Variants in DNAJC27 observed in about 807,000 individuals in gnomAD.
The protein encoded by DNAJC27 is dnaJ homolog subfamily C member 27.
In DNAJC27, 25 loss-of-function variants were observed where a neutral mutation model predicts 31.4. The observed-to-expected ratio is 0.80, with a 90% CI of 0.58 to 1.11. The LOEUF is 1.11. DNAJC27 is among the 50% of genes most tolerant of loss of function. The pLI is 0.00. For synonymous variants in DNAJC27, 106 were observed against 112.7 expected (o/e 0.94, Z 0.37); for missense variants, 356 against 347.3 (o/e 1.02, Z -0.20).
chr2:24,951,550 A>C lies in DNAJC27; in HGVS notation c.533T>G (p.Phe178Cys). The C allele has an allele frequency of 9.3e-6, 15 of 1,608,506 alleles. No homozygotes were observed. Among genetic ancestry groups the C allele is most frequent in the Non-Finnish European group, 1.3e-5 (15 of 1,177,332 alleles). ...ACATAAATCAACTATGGATATATAA[A>C]AGGTCTACAAGAAGAAAACATAACC... is the stretch of plus-strand genomic sequence containing the variant. The part of the protein sequence containing the change: ...GEGINEMFQT[F>C]YISIVDLCEN... The change falls in exon 6 of 7, where the codon TTT (phenylalanine) becomes TGT (cysteine). Residue 178 changes from phenylalanine (F) to cysteine (C), a missense_variant. By Grantham distance (205) the Phe-to-Cys change is radical (BLOSUM62 -2). Transcript: ENST00000264711.
At chr2:24,967,316 C>A in intron 1 of DNAJC27, 23 bp from the exon 2 acceptor site, 1 of 1,485,476 alleles carries the variant, frequency 6.7e-7, no homozygotes. Context: ...AAAATACAGG[C>A]ATTTAGTAAA....
At chr2:24,955,904 C>T (rs1419789158) in intron 5 of DNAJC27, among the ~76,000 whole-genome samples, 1 of 152,188 alleles carries the variant, frequency 6.6e-6, no homozygotes, top group African/African-American at 2.4e-5. Context: ...TGCTGTAAGT[C>T]TCCATGAGAT....
At chr2:24,964,992 G>C (rs978543970) in intron 2 of DNAJC27, among the ~76,000 whole-genome samples, 3 of 152,066 alleles carry the variant, frequency 2.0e-5, no homozygotes, top group African/African-American at 7.2e-5. Flanking sequence ...CGGATCACGA[G>C]GTCAGGAGTT....
chr2:24,968,442 T>C, intron 1 of DNAJC27, among the ~76,000 whole-genome samples: 1 of 152,128 alleles, frequency 6.6e-6, no homozygotes, highest in Non-Finnish European at 1.5e-5. Flanking sequence ...GGCAAAATAA[T>C]AAGTTTTTTT....
At position 24,957,967 on chromosome 2, in the gene DNAJC27, T is replaced by C. The variant is rs1376402763; in HGVS notation, c.248A>G (p.Asn83Ser). ...ACCCTGTGTGTCCTTGTAAAACTCA[T>C]TTCGAACCTTCAAATAAAAGGACAG... ...AGHPFFYEVR[N>S]EFYKDTQGVI... The change falls in exon 4 of 7, where the codon AAT (asparagine) becomes AGT (serine). Residue 83 changes from asparagine to serine, a missense_variant. Transcript: ENST00000264711. 1 of 1,609,642 alleles carries C rather than the reference T, an allele frequency of 6.2e-7. No individual in the cohort carries two copies. Among genetic ancestry groups the C allele is most frequent in the East Asian group, 2.2e-5 (1 of 44,852 alleles).
intron 1 of DNAJC27, among the ~76,000 whole-genome samples, chr2:24,968,593 C>T (rs538881036): frequency 9.9e-4 from 151 of 151,982 alleles, no homozygotes; most frequent in African/African-American, 3.4e-3. Context: ...CCGCCCGCCT[C>T]GGTCTCCCAA....
intron 1 of DNAJC27, among the ~76,000 whole-genome samples, chr2:24,968,035 G>C (rs1468144331): frequency 6.6e-6 from 1 of 151,510 alleles, no homozygotes; most frequent in East Asian, 1.9e-4. Context: ...CTGGGTGGCA[G>C]AGGGAGACCC....
intron 5 of DNAJC27, among the ~76,000 whole-genome samples, 158 bp from the exon 6 acceptor site, chr2:24,951,712 A>G (rs965400583): frequency 6.6e-6 from 1 of 151,998 alleles, no homozygotes; most frequent in Non-Finnish European, 1.5e-5. Flanking sequence ...CTTTTATACT[A>G]TTTAAATATA....
At chr2:24,949,381 G>C (rs540840281) in intron 6 of DNAJC27, among the ~76,000 whole-genome samples, 2 of 152,190 alleles carry the variant, frequency 1.3e-5, no homozygotes, top group Admixed American at 1.3e-4. Flanking sequence ...GTCCACATGG[G>C]GTCAGTAGTT....
intron 5 of DNAJC27, among the ~76,000 whole-genome samples, chr2:24,956,745 A>G (rs568404107): frequency 5.3e-5 from 8 of 152,332 alleles, no homozygotes; most frequent in Admixed American, 3.3e-4. Flanking sequence ...CCTGGGCTCC[A>G]TCGCAACATA....
At chr2:24,971,561 T>TG in intron 1 of DNAJC27, 2 of 341,546 alleles carry the variant, frequency 5.9e-6, no homozygotes, top group Non-Finnish European at 1.1e-5. Flanking sequence ...CTTACTCTTT[T>TG]GGGGGTACAT....
intron 5 of DNAJC27, among the ~76,000 whole-genome samples, chr2:24,952,857 C>G (rs963594279): frequency 1.3e-5 from 2 of 152,152 alleles, no homozygotes; most frequent in Non-Finnish European, 1.5e-5. Flanking sequence ...AAGTGGGTAT[C>G]TTTCCAAATG....
Position 24,963,418 on chromosome 2 carries a change from G to C in DNAJC27, c.227C>G (p.Pro76Arg). The change falls in exon 3 of 7, where the codon CCC becomes CGC. Residue 76 changes from proline (P) to arginine (R), a missense_variant. Pro to Arg is a moderately radical substitution (Grantham distance 103, BLOSUM62 -2). Transcript: ENST00000264711. ...AGGCTTTCTTACCTCATAGAAGAAG[G>C]GATGTCCAGCCATATCAAAGATGTT... ...KVNIFDMAGHPFFYEVRNEFY... is the reference protein window; with the variant it reads ...KVNIFDMAGHRFFYEVRNEFY... 6.2e-7 allele frequency: 1 copy of C among 1,613,388 alleles called. No individual in the cohort carries two copies. Among genetic ancestry groups the C allele is most frequent in the Non-Finnish European group, 8.5e-7 (1 of 1,179,558 alleles).
At chr2:24,972,055 C>G (rs1013629143), upstream of DNAJC27, 1 of 573,924 alleles carries the variant, frequency 1.7e-6, no homozygotes, top group South Asian at 2.5e-5. Context: ...TGGCAGCAGG[C>G]GCGGGCGGTT....
At chr2:24,948,673 G>A (rs1665701257) in intron 6 of DNAJC27, among the ~76,000 whole-genome samples, 1 of 152,180 alleles carries the variant, frequency 6.6e-6, no homozygotes, top group Non-Finnish European at 1.5e-5. Context: ...GCAGGCTTCT[G>A]AGCTCCTCAA....
At chr2:24,965,753 C>A (rs1411389202) in intron 2 of DNAJC27, among the ~76,000 whole-genome samples, 1 of 152,182 alleles carries the variant, frequency 6.6e-6, no homozygotes, top group East Asian at 1.9e-4. Flanking sequence ...AAGGATACAT[C>A]TGAACTTGAC....
intron 4 of DNAJC27, 122 bp from the exon 5 acceptor site, chr2:24,957,287 T>A: frequency 9.1e-7 from 1 of 1,104,870 alleles, no homozygotes; most frequent in Non-Finnish European, 1.3e-6. Context: ...ATGCCTGCAC[T>A]AGTGTGTAAA....
At chr2:24,962,081 C>T (rs1666055160) in intron 3 of DNAJC27, among the ~76,000 whole-genome samples, 1 of 152,156 alleles carries the variant, frequency 6.6e-6, no homozygotes, top group Non-Finnish European at 1.5e-5. Context: ...CCACATCAAC[C>T]ACCACCCTCA....
Position 24,971,940 on chromosome 2 carries a change from C to T in DNAJC27, c.-36G>A, listed in dbSNP as rs771267911. 16 of 1,521,056 alleles carry T rather than the reference C, an allele frequency of 1.1e-5. No individual in the cohort carries two copies. The highest frequency in any genetic ancestry group is 1.8e-4 in the Middle Eastern group (1 of 5,430). 94.2% of individuals were successfully genotyped at this position (1,521,056 alleles called of 1,614,324 possible). A position where few individuals can be genotyped will look rare whatever the true frequency, so the allele number is the denominator to read the frequency against. On this transcript the variant is annotated 5_prime_UTR_variant, in exon 1 of 7. Coordinates refer to ENST00000264711, the MANE Select transcript of DNAJC27 (RefSeq NM_016544.3). Reference sequence around the variant, plus strand: ...CTCTCGGGGCCACCCGCCTCGGTCTCTTCTTGTGCACCGCTGGCCCGTCCC... The same window carrying T: ...CTCTCGGGGCCACCCGCCTCGGTCTTTTCTTGTGCACCGCTGGCCCGTCCC...
Sources: gnomAD v4.1 joint callset for allele counts (sites outside exome capture counted in the v4.1 genomes callset) on GRCh38, gnomAD v4.1.1 for gene constraint, MANE v1.5 for transcripts, NCBI Gene and HGNC (gene_info 2026-07-23, HGNC 2026-07-21) for gene names.